The following SORCS3 variants were observed in gnomAD, a reference collection of about 807,000 sequenced individuals.
SORCS3 encodes sortilin related VPS10 domain containing receptor 3, also known as VPS10 domain-containing receptor SorCS3.
In SORCS3, 57 loss-of-function variants were observed where a neutral mutation model predicts 146.3. The observed-to-expected ratio is 0.39, with a 90% CI of 0.31 to 0.49. The LOEUF is 0.49. SORCS3 is among the 20% of genes least tolerant of loss of function. The pLI is 0.92. For synonymous variants in SORCS3, 653 were observed against 618.5 expected (o/e 1.06, Z -0.83); for missense variants, 1,341 against 1,575.5 (o/e 0.85, Z 2.52).
chr10:105,191,290 A>G (rs941249198), intron 14 of SORCS3, among the ~76,000 whole-genome samples: 3 of 152,224 alleles, frequency 2.0e-5, no homozygotes, highest in Non-Finnish European at 4.4e-5. Context: ...GAGTGATTTT[A>G]TTTTCTTCTG....
intron 1 of SORCS3, among the ~76,000 whole-genome samples, chr10:104,755,458 A>C (rs2017039523): frequency 6.6e-6 from 1 of 152,254 alleles, no homozygotes; most frequent in African/African-American, 2.4e-5. Context: ...AGATTGCATG[A>C]GAGTTGAATA....
At chr10:104,819,798 G>T (rs2017851673) in intron 1 of SORCS3, among the ~76,000 whole-genome samples, 1 of 152,206 alleles carries the variant, frequency 6.6e-6, no homozygotes, top group Non-Finnish European at 1.5e-5. Flanking sequence ...GAGGGCTGGA[G>T]AGTAGCTCAA....
chr10:105,181,118 T>C lies in SORCS3; in HGVS notation c.2009+2945T>C, dbSNP rs189762746. 5.3e-4 allele frequency among the ~76,000 whole-genome samples: 81 copies of C among 152,286 alleles called. No homozygotes were observed. The East Asian group carries it at 0.012, about 23-fold the overall frequency. ...ATCTTGTTCTTTCAGTGCCATATAT[T>C]TACCAGGCTTGTGCTAACATGGAGG... On this transcript the variant is annotated intron_variant, in intron 14 of 26. Transcript: ENST00000369701.
intron 25 of SORCS3, among the ~76,000 whole-genome samples, chr10:105,257,823 A>G (rs2056940148): frequency 6.6e-6 from 1 of 152,238 alleles, no homozygotes; most frequent in Admixed American, 6.5e-5. Context: ...AACAAAGCAC[A>G]TGCCTGCCAA....
chr10:104,696,768 TAA>T (rs2016221390), intron 1 of SORCS3, among the ~76,000 whole-genome samples: 3 of 118,018 alleles, frequency 2.5e-5, no homozygotes, highest in South Asian at 4.7e-4. Context: ...ATAATATATA[TAA>T]TATATATATA....
At chr10:105,217,707 C>T in intron 19 of SORCS3, 1 of 426,804 alleles carries the variant, frequency 2.3e-6, no homozygotes, top group African/African-American at 2.0e-5. Context: ...TATTTCATTG[C>T]TATTGGCTGT....
intron 4 of SORCS3, among the ~76,000 whole-genome samples, chr10:104,993,044 T>G (rs897015943): frequency 8.5e-5 from 13 of 152,056 alleles, no homozygotes; most frequent in Non-Finnish European, 1.3e-4. Flanking sequence ...GAATCAAAAT[T>G]TTTGACTGCC....
intron 2 of SORCS3, among the ~76,000 whole-genome samples, chr10:104,866,904 T>C (rs2018465151): frequency 6.6e-6 from 1 of 152,206 alleles, no homozygotes; most frequent in African/African-American, 2.4e-5. Context: ...AATTAGACTT[T>C]AGGAAGATTT....
chr10:104,702,431 C>G (rs897777725), intron 1 of SORCS3, among the ~76,000 whole-genome samples: 1 of 152,126 alleles, frequency 6.6e-6, no homozygotes, highest in Non-Finnish European at 1.5e-5. Flanking sequence ...ATACAGGTAC[C>G]TGCCCACCAC....
chr10:105,180,006 G>T (rs766379441), intron 14 of SORCS3, among the ~76,000 whole-genome samples: 9 of 152,122 alleles, frequency 5.9e-5, no homozygotes, highest in Non-Finnish European at 1.2e-4. Flanking sequence ...CCACTCTAAG[G>T]TTCTGTTGCT....
At chr10:104,870,148 C>T (rs563463160) in intron 2 of SORCS3, among the ~76,000 whole-genome samples, 1 of 152,286 alleles carries the variant, frequency 6.6e-6, no homozygotes, top group East Asian at 1.9e-4. Flanking sequence ...TAGGATGGTG[C>T]ACATTTTACC....
chr10:104,876,195 A>G (rs1025590121), intron 2 of SORCS3, among the ~76,000 whole-genome samples: 2 of 152,190 alleles, frequency 1.3e-5, no homozygotes, highest in Non-Finnish European at 2.9e-5. Flanking sequence ...AACATTCCTG[A>G]AAGAGATTTA....
chr10:105,262,517 C>G (rs139127178), intron 26 of SORCS3, 26 bp downstream of exon 26: 1 of 1,605,672 alleles, frequency 6.2e-7, no homozygotes, highest in Non-Finnish European at 8.5e-7. Context: ...CCACTAAGCT[C>G]CCCTGTTCTG....
At chr10:104,864,406 G>A (rs1172794563) in intron 2 of SORCS3, among the ~76,000 whole-genome samples, 1 of 152,100 alleles carries the variant, frequency 6.6e-6, no homozygotes, top group Non-Finnish European at 1.5e-5. Context: ...AGGCATCTTA[G>A]GAATCCTCAG....
At chr10:105,233,436 T>C (rs1469261907) in intron 20 of SORCS3, among the ~76,000 whole-genome samples, 1 of 152,208 alleles carries the variant, frequency 6.6e-6, no homozygotes, top group Non-Finnish European at 1.5e-5. Context: ...CTTTAAGTTC[T>C]GGGGTACATG....
intron 5 of SORCS3, among the ~76,000 whole-genome samples, chr10:105,046,752 G>A (rs879799547): frequency 9.9e-5 from 15 of 152,042 alleles, no homozygotes; most frequent in Non-Finnish European, 2.1e-4. Flanking sequence ...ATCTTACACC[G>A]TGGAGTGACT....
At chr10:105,242,225 CTTG>C (rs1177726008) in intron 20 of SORCS3, among the ~76,000 whole-genome samples, 1 of 142,130 alleles carries the variant, frequency 7.0e-6, no homozygotes, top group Non-Finnish European at 1.5e-5. Flanking sequence ...TTCAATATTA[CTTG>C]TTATCATTTA....
intron 2 of SORCS3, among the ~76,000 whole-genome samples, chr10:104,891,866 A>T (rs1180001804): frequency 6.6e-6 from 1 of 152,200 alleles, no homozygotes; most frequent in Non-Finnish European, 1.5e-5. Flanking sequence ...ATCATAACAC[A>T]CACTATGACT....
intron 1 of SORCS3, among the ~76,000 whole-genome samples, chr10:104,790,021 T>G (rs2017478160): frequency 6.6e-6 from 1 of 152,226 alleles, no homozygotes; most frequent in Non-Finnish European, 1.5e-5. Flanking sequence ...GTAACTAACC[T>G]ATACAGGGGT....
Sources: allele counts gnomAD v4.1 joint callset (sites outside exome capture counted in the v4.1 genomes callset), GRCh38; gene constraint gnomAD v4.1.1; transcripts MANE v1.5; gene names NCBI Gene and HGNC (gene_info 2026-07-23, HGNC 2026-07-21).